CD226: variants seen among roughly 807,000 people sequenced by gnomAD.
CD226 encodes CD226 molecule.
A neutral mutation model predicts 34.9 loss-of-function variants in CD226; 24 were observed. That is an observed-to-expected ratio of 0.69 (90% confidence interval 0.50 to 0.97). The LOEUF (loss-of-function observed/expected upper bound fraction) is 0.97. Ranked by LOEUF, CD226 falls within the 50% of genes least tolerant of loss-of-function variation. CD226 has a pLI of 0.00. For synonymous variants in CD226, 148 were observed against 147.4 expected, an observed-to-expected ratio of 1.00 and a Z score of -0.03; for missense variants, 397 against 412.7, an observed-to-expected ratio of 0.96 and a Z score of 0.33.
At chr18:69,905,245 T>C (rs997889821) in intron 2 of CD226, among the ~76,000 whole-genome samples, 1 of 151,442 alleles carries the variant, frequency 6.6e-6, no homozygotes, top group African/African-American at 2.5e-5. Flanking sequence ...GCTCCAAGGA[T>C]GCCTCTGCTC....
At chr18:69,918,404 T>C (rs1005514604) in intron 2 of CD226, among the ~76,000 whole-genome samples, 2 of 151,772 alleles carry the variant, frequency 1.3e-5, no homozygotes, top group African/African-American at 4.8e-5. Flanking sequence ...AATACAAAAA[T>C]AAAATTAGCC....
intron 3 of CD226, among the ~76,000 whole-genome samples, chr18:69,874,124 C>T (rs1983719289): frequency 6.6e-6 from 1 of 152,136 alleles, no homozygotes. Context: ...AACTGACCGA[C>T]TCCAGCAAAT....
intron 2 of CD226, among the ~76,000 whole-genome samples, chr18:69,921,060 A>T (rs990776840): frequency 2.0e-5 from 3 of 152,180 alleles, no homozygotes; most frequent in Non-Finnish European, 4.4e-5. Flanking sequence ...ATGAAAACTT[A>T]TACCCAATGT....
At chr18:69,915,735 C>T (rs2055378027) in intron 2 of CD226, among the ~76,000 whole-genome samples, 1 of 152,124 alleles carries the variant, frequency 6.6e-6, no homozygotes, top group Non-Finnish European at 1.5e-5. Context: ...ATTTAATTTC[C>T]ACCTCCATAA....
chr18:69,920,389 T>G (rs565366589), intron 2 of CD226, among the ~76,000 whole-genome samples: 7 of 152,230 alleles, frequency 4.6e-5, no homozygotes, highest in South Asian at 2.1e-4. Flanking sequence ...TGTCCATTTA[T>G]ATACAAGATA....
intron 4 of CD226, among the ~76,000 whole-genome samples, chr18:69,869,055 G>A (rs978003880): frequency 2.0e-5 from 3 of 152,184 alleles, no homozygotes; most frequent in Non-Finnish European, 4.4e-5. Flanking sequence ...CGCTGTTGGT[G>A]GGAATGTAAA....
chr18:69,909,580 A>C (rs2055299002), intron 2 of CD226, among the ~76,000 whole-genome samples: 1 of 152,366 alleles, frequency 6.6e-6, no homozygotes, highest in Non-Finnish European at 1.5e-5. Flanking sequence ...TTAAAAAACC[A>C]GTGTGAGTAC....
intron 3 of CD226, among the ~76,000 whole-genome samples, chr18:69,893,935 G>C (rs1251688562): frequency 2.0e-5 from 3 of 152,198 alleles, no homozygotes; most frequent in Non-Finnish European, 4.4e-5. Context: ...TTTCAACACA[G>C]GAAGAAATAT....
At chr18:69,897,621 A>G (rs1985371909) in intron 2 of CD226, among the ~76,000 whole-genome samples, 2 of 150,348 alleles carry the variant, frequency 1.3e-5, no homozygotes, top group South Asian at 4.3e-4. Context: ...CAAAAGAAAA[A>G]AGAAATAGAG....
chr18:69,924,203 C>T (rs574858781), intron 2 of CD226, among the ~76,000 whole-genome samples: 39 of 151,934 alleles, frequency 2.6e-4, no homozygotes, highest in Admixed American at 4.6e-4. Context: ...GAAGGACTAA[C>T]GGACTACTTC....
upstream of CD226, among the ~76,000 whole-genome samples, chr18:69,949,797 A>G (rs2055832902): frequency 6.6e-6 from 1 of 151,724 alleles, no homozygotes. Flanking sequence ...CAGACACACA[A>G]TCACATGCAT....
chr18:69,950,643 G>T (rs571363145), upstream of CD226, among the ~76,000 whole-genome samples: 26 of 152,238 alleles, frequency 1.7e-4, no homozygotes, highest in East Asian at 4.1e-3. Context: ...AGGAGAGCAG[G>T]TGCACAAAGT....
At chr18:69,865,862 T>C (rs1415179977) in intron 5 of CD226, among the ~76,000 whole-genome samples, 1 of 152,232 alleles carries the variant, frequency 6.6e-6, no homozygotes, top group Non-Finnish European at 1.5e-5. Flanking sequence ...AAAAGAAATT[T>C]ATATACTTTT....
At chr18:69,961,192 T>C (rs1273686915), upstream of CD226, among the ~76,000 whole-genome samples, 1 of 152,228 alleles carries the variant, frequency 6.6e-6, no homozygotes, top group East Asian at 1.9e-4. Flanking sequence ...TGTGTGAATA[T>C]ATATGAATGT....
In CD226 at chr18:69,864,371, T is replaced by A. The variant is rs1252916050; in HGVS notation, c.954A>T (p.Arg318Ser). Reference protein sequence around the residue: ...QPTNQSMDDTREDIYVNYPTF... With the variant: ...QPTNQSMDDTSEDIYVNYPTF... ...TTGGATAGTTGACATAAATATCCTCTCTTGTATCATCCATGGATTGATTGG... is the reference window on the plus strand; with the variant it reads ...TTGGATAGTTGACATAAATATCCTCACTTGTATCATCCATGGATTGATTGG... The change falls in exon 6 of 6, where the codon AGA (arginine) becomes AGT (serine). Residue 318 changes from arginine to serine, a missense_variant. Transcript: ENST00000582621. 1 of 1,613,210 alleles carries A rather than the reference T, an allele frequency of 6.2e-7. No individual in the cohort carries two copies. The highest frequency in any genetic ancestry group is 8.5e-7 in the Non-Finnish European group (1 of 1,179,236).
At chr18:69,902,263 T>C (rs1442737630) in intron 2 of CD226, among the ~76,000 whole-genome samples, 2 of 152,094 alleles carry the variant, frequency 1.3e-5, no homozygotes, top group Admixed American at 1.3e-4. Context: ...CTTTGGACCT[T>C]TTGGCGCCAT....
At position 69,895,991 on chromosome 18, in the gene CD226, T is replaced by A; in HGVS notation, c.437A>T (p.Lys146Met). 6.2e-7 allele frequency: 1 copy of A among 1,613,770 alleles called. No homozygotes were observed. Among genetic ancestry groups the A allele is most frequent in the East Asian group, 2.2e-5 (1 of 44,886 alleles). ...AGGCTGACAAGTGAGTGTGACATTC[T>A]TTCCAGGTTCCGAAACAATGTGGCT... ...SNSHIVSEPG[K>M]NVTLTCQPQM... is the part of the protein sequence containing the mutation. Residue 146 changes from lysine (K) to methionine (M), a missense_variant, in exon 3 of 6, where the codon AAG (lysine) becomes ATG (methionine). By Grantham distance (95) the Lys-to-Met change is moderately conservative. Transcript: ENST00000582621.
At chr18:69,951,771 A>C (rs564918000), upstream of CD226, among the ~76,000 whole-genome samples, 9 of 152,358 alleles carry the variant, frequency 5.9e-5, no homozygotes, top group African/African-American at 2.2e-4. Flanking sequence ...AATGATGATC[A>C]AAACAGATGT....
intron 2 of CD226, 23 bp from the exon 3 acceptor site, chr18:69,896,068 T>C (rs1399165944): frequency 1.3e-6 from 2 of 1,585,798 alleles, no homozygotes; most frequent in Admixed American, 1.7e-5. Context: ...AGCAAATGAT[T>C]AGATACAGGT....
Sources: allele counts gnomAD v4.1 joint callset (sites outside exome capture counted in the v4.1 genomes callset), GRCh38; gene constraint gnomAD v4.1.1; transcripts MANE v1.5; gene names NCBI Gene and HGNC (gene_info 2026-07-23, HGNC 2026-07-21).